The following RNF13 variants were observed in gnomAD, a reference collection of about 807,000 sequenced individuals.
RNF13 encodes E3 ubiquitin-protein ligase RNF13.
RNF13 carries 19 observed loss-of-function variants against 37.7 expected under a neutral mutation model. The ratio of observed to expected loss-of-function variants is 0.50; its 90% CI spans 0.35 to 0.74. The LOEUF (loss-of-function observed/expected upper bound fraction) is 0.74, where lower values mean the gene tolerates loss of function less well. Among genes scored for constraint, RNF13 ranks in the 30% least tolerant of loss-of-function variants. The pLI is 0.01. For synonymous variants in RNF13, 144 were observed against 157.8 expected (o/e 0.91, Z 0.65); for missense variants, 375 against 453.0 (o/e 0.83, Z 1.56).
chr3:149,946,113 T>G (rs1033240556), intron 8 of RNF13, among the ~76,000 whole-genome samples: 1 of 152,178 alleles, frequency 6.6e-6, no homozygotes, highest in Non-Finnish European at 1.5e-5. Flanking sequence ...ACGATCAAAT[T>G]TCTCCGAGCT....
intron 8 of RNF13, among the ~76,000 whole-genome samples, chr3:149,958,735 T>C (rs1395053887): frequency 6.6e-6 from 1 of 152,200 alleles, no homozygotes; most frequent in African/African-American, 2.4e-5. Flanking sequence ...AAAACAATAA[T>C]TGCAGATATA....
At chr3:149,957,503 A>G (rs1321645597) in intron 8 of RNF13, among the ~76,000 whole-genome samples, 1 of 152,198 alleles carries the variant, frequency 6.6e-6, no homozygotes, top group Non-Finnish European at 1.5e-5. Flanking sequence ...ACTAAATTAC[A>G]TAATTACCCT....
intron 8 of RNF13, among the ~76,000 whole-genome samples, chr3:149,947,688 C>T (rs940219379): frequency 2.6e-5 from 4 of 152,164 alleles, no homozygotes; most frequent in African/African-American, 7.2e-5. Context: ...GCGTGAGCCA[C>T]CGCACCTGGC....
chr3:149,856,474 C>T (rs1423783018), intron 3 of RNF13, among the ~76,000 whole-genome samples: 3 of 146,028 alleles, frequency 2.1e-5, no homozygotes, highest in South Asian at 2.1e-4. Context: ...GACAGAGTCT[C>T]GCCCTATTGC....
intron 1 of RNF13, among the ~76,000 whole-genome samples, chr3:149,844,164 TTCTAACCAGAAATTG>T (rs1722427145): frequency 6.6e-6 from 1 of 152,240 alleles, no homozygotes. Flanking sequence ...ATGGTATGAT[TTCTAACCAGAAATTG>T]TCCACATTCA....
intron 1 of RNF13, among the ~76,000 whole-genome samples, chr3:149,819,438 C>T (rs564821320): frequency 3.0e-4 from 45 of 151,246 alleles, no homozygotes; most frequent in African/African-American, 1.0e-3. Context: ...GATCATAATA[C>T]TCACTTTCAT....
intron 7 of RNF13, among the ~76,000 whole-genome samples, chr3:149,919,271 A>G (rs1023229041): frequency 1.3e-5 from 2 of 152,182 alleles, no homozygotes; most frequent in Non-Finnish European, 2.9e-5. Flanking sequence ...TATCATCCAT[A>G]TGTAACAGAT....
chr3:149,902,210 A>G, intron 6 of RNF13, 48 bp downstream of exon 6: 1 of 857,842 alleles, frequency 1.2e-6, no homozygotes, highest in Non-Finnish European at 1.8e-6. Context: ...TCTTCTTTAT[A>G]TTAAGGTAGA....
chr3:149,959,879 T>C, intron 8 of RNF13, 177 bp from the exon 9 acceptor site: 1 of 461,780 alleles, frequency 2.2e-6, no homozygotes, highest in Non-Finnish European at 3.8e-6. Context: ...CTAGTTTAGG[T>C]AAAATGTTAA....
At position 149,830,804 on chromosome 3, in the gene RNF13, C is replaced by T. The variant is rs60072045; in HGVS notation, c.-16-15207C>T. Among the ~76,000 whole-genome samples, 1,252 of 151,074 alleles carry T rather than the reference C, an allele frequency of 8.3e-3. 21 individuals are homozygous for T. The highest frequency in any genetic ancestry group is 0.029 in the African/African-American group (1,175 of 40,436). ...CATGTCAGAGGTCTTCATGGCAGCCCCTCCTATCACACGCCCAGAGGCCTA... is the reference window on the plus strand; with the variant it reads ...CATGTCAGAGGTCTTCATGGCAGCCTCTCCTATCACACGCCCAGAGGCCTA... On this transcript the variant is annotated intron_variant, in intron 1 of 9. Coordinates refer to ENST00000392894, the MANE Select transcript of RNF13 (RefSeq NM_183381.3).
At chr3:149,953,367 T>C (rs931699964) in intron 8 of RNF13, among the ~76,000 whole-genome samples, 3 of 152,204 alleles carry the variant, frequency 2.0e-5, no homozygotes, top group Non-Finnish European at 4.4e-5. Context: ...ATATAAGAAA[T>C]GTTTGACCTT....
intron 4 of RNF13, among the ~76,000 whole-genome samples, chr3:149,884,252 C>A (rs1713756921): frequency 6.6e-6 from 1 of 152,080 alleles, no homozygotes; most frequent in South Asian, 2.1e-4. Flanking sequence ...AAGTTACTTG[C>A]AGATGAGCTT....
intron 1 of RNF13, chr3:149,814,336 G>A (rs546112622): frequency 1.3e-5 from 2 of 152,300 alleles, no homozygotes; most frequent in South Asian, 4.1e-4. Flanking sequence ...TTTAAGGTAG[G>A]GCTTTCAAGA....
chr3:149,820,108 C>G (rs1380908180), intron 1 of RNF13, among the ~76,000 whole-genome samples: 9 of 152,064 alleles, frequency 5.9e-5, no homozygotes, highest in African/African-American at 2.2e-4. Context: ...TAAGAGAGCT[C>G]TTGGTCAGCT....
At chr3:149,949,481 A>G (rs1304701487) in intron 8 of RNF13, among the ~76,000 whole-genome samples, 1 of 148,714 alleles carries the variant, frequency 6.7e-6, no homozygotes, top group Non-Finnish European at 1.5e-5. Flanking sequence ...CAGTTTAATT[A>G]TAATATGATT....
rs1378068575 is a variant in RNF13 at position 149,872,089 on chromosome 3, A to G, written c.256A>G (p.Lys86Glu). Residue 86 changes from lysine (K) to glutamate (E), a missense_variant, in exon 4 of 10, where the codon AAA (lysine) becomes GAA (glutamate). Coordinates refer to ENST00000392894, the MANE Select transcript of RNF13 (RefSeq NM_183381.3). ...TGAACCCATAGTGCCTCCACCAGTAAAAGACAATTCATCTGGCACTTTCAT... is the reference window on the plus strand; with the variant it reads ...TGAACCCATAGTGCCTCCACCAGTAGAAGACAATTCATCTGGCACTTTCAT... Reference protein sequence around the residue: ...ACEPIVPPPVKDNSSGTFIVL... With the variant: ...ACEPIVPPPVEDNSSGTFIVL... 2 of 1,606,632 alleles carry G rather than the reference A, an allele frequency of 1.2e-6. No individual in the cohort carries two copies. The highest frequency in any genetic ancestry group is 4.5e-5 in the East Asian group (2 of 44,668).
At chr3:149,948,471 T>C (rs530739567) in intron 8 of RNF13, among the ~76,000 whole-genome samples, 2 of 152,218 alleles carry the variant, frequency 1.3e-5, no homozygotes, top group South Asian at 2.1e-4. Flanking sequence ...TAGTGACGTT[T>C]TGATTCCCTT....
intron 8 of RNF13, among the ~76,000 whole-genome samples, chr3:149,953,849 A>G (rs1170282707): frequency 6.6e-6 from 1 of 152,244 alleles, no homozygotes; most frequent in Non-Finnish European, 1.5e-5. Context: ...CAGTTTATGA[A>G]AAATGCTTAC....
chr3:149,922,056 C>G (rs1718181806), intron 8 of RNF13, among the ~76,000 whole-genome samples: 1 of 152,116 alleles, frequency 6.6e-6, no homozygotes, highest in South Asian at 2.1e-4. Flanking sequence ...TCACTGCAGC[C>G]TCCGCCCCCC....
Sources: gnomAD v4.1 joint callset for allele counts (sites outside exome capture counted in the v4.1 genomes callset) on GRCh38, gnomAD v4.1.1 for gene constraint, MANE v1.5 for transcripts, NCBI Gene and HGNC (gene_info 2026-07-23, HGNC 2026-07-21) for gene names.